GRIK1: variants seen among roughly 807,000 people sequenced by gnomAD.
The protein encoded by GRIK1 is glutamate ionotropic receptor kainate type subunit 1.
Under a neutral mutation model 105.7 loss-of-function variants are expected in GRIK1, and 69 were observed. That is an observed-to-expected ratio of 0.65 (90% CI 0.54 to 0.80). The LOEUF is 0.80. Ranked by LOEUF, GRIK1 falls within the 30% of genes least tolerant of loss-of-function variation. GRIK1 has a pLI of 0.00. For synonymous variants in GRIK1, 438 were observed against 431.3 expected (o/e 1.02, Z -0.19); for missense variants, 1,109 against 1,167.3 (o/e 0.95, Z 0.73).
intron 14 of GRIK1, among the ~76,000 whole-genome samples, chr21:29,568,880 G>A (rs1914808424): frequency 6.6e-6 from 1 of 152,190 alleles, no homozygotes; most frequent in South Asian, 2.1e-4. Context: ...TGAGGACCCT[G>A]CAAAAATATC....
rs113893863 is a variant in GRIK1, at chr21:29,553,325, G to A, written c.2607+1727C>T. ...GATGAGTGGGACAGAGAAGATTCCT[G>A]TAAATACACATTTCTAGAAGTCTTT... On this transcript the variant is annotated intron_variant, in intron 16 of 17. Transcript: ENST00000327783. 6.2e-4 allele frequency: 708 copies of A among 1,135,374 alleles called. 5 individuals are homozygous for A. The African/African-American group carries it at 0.011, about 17-fold the overall frequency. 70.3% of individuals were successfully genotyped at this position (1,135,374 alleles called of 1,614,324 possible).
At chr21:29,548,406 G>A (rs1300559805) in intron 16 of GRIK1, among the ~76,000 whole-genome samples, 1 of 152,186 alleles carries the variant, frequency 6.6e-6, no homozygotes, top group Non-Finnish European at 1.5e-5. Flanking sequence ...AAATGCTTGT[G>A]CATATGGACA....
At chr21:29,858,350 G>A (rs1004906177) in intron 1 of GRIK1, among the ~76,000 whole-genome samples, 5 of 152,146 alleles carry the variant, frequency 3.3e-5, no homozygotes, top group Non-Finnish European at 7.4e-5. Flanking sequence ...AGTGCATGTT[G>A]TCCTTCTGCC....
chr21:29,784,856 A>G (rs2066216669), intron 1 of GRIK1, among the ~76,000 whole-genome samples: 1 of 152,234 alleles, frequency 6.6e-6, no homozygotes, highest in Non-Finnish European at 1.5e-5. Context: ...ATAAATAAAT[A>G]CACTTATAAA....
intron 3 of GRIK1, among the ~76,000 whole-genome samples, chr21:29,678,232 C>T (rs1478039995): frequency 6.6e-6 from 1 of 152,138 alleles, no homozygotes; most frequent in African/African-American, 2.4e-5. Context: ...GGGATCTGTG[C>T]ATCCTCCAGA....
rs530463967 is a variant in GRIK1, at chr21:29,914,158, A to C, written c.118+25225T>G. Reference sequence around the variant, plus strand: ...TTATTTCTAAATGGCAATAGCACCCATCCCCAAGTTGTGACAATAAAAAAT... The same window carrying C: ...TTATTTCTAAATGGCAATAGCACCCCTCCCCAAGTTGTGACAATAAAAAAT... On this transcript the variant is annotated intron_variant, in intron 1 of 17. Transcript: ENST00000327783. Among the ~76,000 whole-genome samples, 3 of 152,146 alleles carry C rather than the reference A, an allele frequency of 2.0e-5. No homozygotes were observed. In the East Asian group the frequency reaches 5.8e-4, roughly 29 times the overall value.
At position 29,614,268 on chromosome 21, in the gene GRIK1, T is replaced by C. The variant is rs3026017; in HGVS notation, c.1099-15331A>G. Among the ~76,000 whole-genome samples, 970 of 152,262 alleles carry C rather than the reference T, an allele frequency of 6.4e-3. 8 individuals are homozygous for C. Among genetic ancestry groups the C allele is most frequent in the African/African-American group, 0.022 (914 of 41,566 alleles). On this transcript the variant is annotated intron_variant, in intron 7 of 17. Coordinates refer to ENST00000327783, the MANE Select transcript of GRIK1 (RefSeq NM_001330994.2). The stretch of plus-strand genomic sequence containing the variant: ...CCGTCAGTCCTGGAGGCATTTACGC[T>C]GATCTCTGTGCATTTTCCAGTGTTT...
At position 29,572,127 on chromosome 21, in the gene GRIK1, C is replaced by T. The variant is rs1037932638; in HGVS notation, c.2130+4837G>A. Among the ~76,000 whole-genome samples, 7 of 152,148 alleles carry T rather than the reference C, an allele frequency of 4.6e-5. 1 individual carries two copies. The South Asian group carries it at 1.5e-3, about 32-fold the overall frequency. Reference sequence around the variant, plus strand: ...GTCCTTGTGACTGTACCTGCTGTCACTCAGTGATTTAGGGCGGAACTACCC... The same window carrying T: ...GTCCTTGTGACTGTACCTGCTGTCATTCAGTGATTTAGGGCGGAACTACCC... On this transcript the variant is annotated intron_variant, in intron 14 of 17. Transcript: ENST00000327783.
chr21:29,775,642 T>C (rs1349761409), intron 1 of GRIK1, among the ~76,000 whole-genome samples: 2 of 152,196 alleles, frequency 1.3e-5, no homozygotes, highest in African/African-American at 4.8e-5. Flanking sequence ...CTCTGCTCCA[T>C]GGTGAGCCCT....
chr21:29,676,221 C>G (rs2063263812), intron 3 of GRIK1, among the ~76,000 whole-genome samples: 1 of 152,036 alleles, frequency 6.6e-6, no homozygotes, highest in Admixed American at 6.6e-5. Context: ...TCTCCTTTTG[C>G]CAGTATATAG....
intron 7 of GRIK1, among the ~76,000 whole-genome samples, chr21:29,607,494 TATATC>T (rs2061648254): frequency 6.6e-6 from 1 of 152,298 alleles, no homozygotes; most frequent in African/African-American, 2.4e-5. Flanking sequence ...TTTGATTACT[TATATC>T]AATATTCTCA....
At chr21:29,879,241 T>C (rs1199032689) in intron 1 of GRIK1, among the ~76,000 whole-genome samples, 2 of 152,106 alleles carry the variant, frequency 1.3e-5, no homozygotes, top group South Asian at 2.1e-4. Flanking sequence ...TTTCTAAAAA[T>C]GCTGTTGGAA....
intron 1 of GRIK1, among the ~76,000 whole-genome samples, chr21:29,910,023 A>C (rs938982830): frequency 6.6e-6 from 1 of 152,108 alleles, no homozygotes; most frequent in Non-Finnish European, 1.5e-5. Flanking sequence ...GACCTTTTCC[A>C]TTAAAGGTGA....
At chr21:29,630,350 T>C (rs974888763) in intron 7 of GRIK1, among the ~76,000 whole-genome samples, 3 of 152,132 alleles carry the variant, frequency 2.0e-5, no homozygotes, top group Non-Finnish European at 2.9e-5. Flanking sequence ...GAGAATATGG[T>C]GGGTGTCATT....
chr21:29,895,718 A>G (rs1028013205), intron 1 of GRIK1, among the ~76,000 whole-genome samples: 2 of 152,194 alleles, frequency 1.3e-5, no homozygotes, highest in African/African-American at 4.8e-5. Context: ...TACATGCAGG[A>G]CAGTATCATC....
chr21:29,662,673 G>A (rs2062987470), intron 4 of GRIK1, among the ~76,000 whole-genome samples: 1 of 152,126 alleles, frequency 6.6e-6, no homozygotes, highest in African/African-American at 2.4e-5. Flanking sequence ...GGTCTCACGA[G>A]ATCTCTATTG....
At chr21:29,723,412 G>A (rs2064372847) in intron 1 of GRIK1, among the ~76,000 whole-genome samples, 1 of 152,156 alleles carries the variant, frequency 6.6e-6, no homozygotes, top group Non-Finnish European at 1.5e-5. Flanking sequence ...TACAGATTTA[G>A]TAAGCTATTG....
intron 7 of GRIK1, among the ~76,000 whole-genome samples, chr21:29,606,641 T>C (rs1452075620): frequency 1.3e-5 from 2 of 151,838 alleles, no homozygotes; most frequent in Non-Finnish European, 2.9e-5. Context: ...TATGGGCCAT[T>C]TAAGCTCAGA....
intron 9 of GRIK1, among the ~76,000 whole-genome samples, chr21:29,595,297 T>C (rs2061390687): frequency 6.6e-6 from 1 of 151,660 alleles, no homozygotes; most frequent in Non-Finnish European, 1.5e-5. Context: ...TGTATTAGAT[T>C]AATTCAAAGT....
Sources: gnomAD v4.1 joint callset for allele counts (sites outside exome capture counted in the v4.1 genomes callset) on GRCh38, gnomAD v4.1.1 for gene constraint, MANE v1.5 for transcripts, NCBI Gene and HGNC (gene_info 2026-07-23, HGNC 2026-07-21) for gene names.